Variants in RNF17 observed in about 807,000 individuals in gnomAD.
RNF17 encodes the protein spermatogenesis associated 23.
In RNF17, 31 loss-of-function variants were observed where a neutral mutation model predicts 200.5. The observed-to-expected ratio is 0.15, with a 90% CI of 0.12 to 0.21. The LOEUF (loss-of-function observed/expected upper bound fraction) is 0.21, where lower values mean the gene tolerates loss of function less well. Ranked by LOEUF, RNF17 falls within the 10% of genes least tolerant of loss-of-function variation. The pLI is 1.00. For missense variants in RNF17, 1,628 were observed against 1,905.1 expected (o/e 0.85, Z 2.71); for synonymous variants, 606 against 637.8 (o/e 0.95, Z 0.75).
rs117676104 is a variant in RNF17 at position 24,786,527 on chromosome 13, A to G, written c.612-1461A>G. Among the ~76,000 whole-genome samples, 810 of 152,290 alleles carry G rather than the reference A, an allele frequency of 5.3e-3. 21 individuals are homozygous for G. In the East Asian group the frequency reaches 0.081, roughly 15 times the overall value. ...TCATTGTATGGCTTTGAGTTACTGCATAGCCTTCTTTCACATTAACGTGAA... is the reference window on the plus strand; with the variant it reads ...TCATTGTATGGCTTTGAGTTACTGCGTAGCCTTCTTTCACATTAACGTGAA... On this transcript the variant is annotated intron_variant, in intron 6 of 35. Transcript: ENST00000255324.
At chr13:24,811,519 T>C (rs1214190961) in intron 15 of RNF17, among the ~76,000 whole-genome samples, 2 of 152,010 alleles carry the variant, frequency 1.3e-5, no homozygotes, top group African/African-American at 4.8e-5. Flanking sequence ...TTCTCTGTAT[T>C]GGTTATTCTA....
At chr13:24,851,684 A>T (rs1891910999) in intron 24 of RNF17, 113 bp downstream of exon 24, 3 of 647,050 alleles carry the variant, frequency 4.6e-6, no homozygotes, top group African/African-American at 3.7e-5. Context: ...GCTCTTAAAG[A>T]TTTATAAGCT....
chr13:24,757,870 T>C, the RNF17 span, among the ~76,000 whole-genome samples: 3 of 152,196 alleles, frequency 2.0e-5, no homozygotes, highest in Non-Finnish European at 4.4e-5. Flanking sequence ...CCCACCCAAA[T>C]CTCATGTCAA....
At chr13:24,833,700 G>A (rs1288951495) in intron 18 of RNF17, among the ~76,000 whole-genome samples, 1 of 152,166 alleles carries the variant, frequency 6.6e-6, no homozygotes, top group Non-Finnish European at 1.5e-5. Flanking sequence ...TTTATTTAAA[G>A]AGTGCCAGAA....
In RNF17 at chr13:24,767,358, G is replaced by C; in HGVS notation, c.217G>C (p.Asp73His). The change falls in exon 2 of 36, where the codon GAT becomes CAT. Residue 73 changes from aspartate to histidine, a missense_variant. This residue lies in a region of RNF17 where 502 missense variants were observed against 501.7 expected (regional missense o/e 1.00). Coordinates refer to ENST00000255324, the MANE Select transcript of RNF17 (RefSeq NM_031277.3). Reference protein sequence around the residue: ...TEECTTIICPDCEVATAVNTR... With the variant: ...TEECTTIICPHCEVATAVNTR... Reference sequence around the variant, plus strand: ...AGAATGCACCACAATTATATGCCCTGATTGTGAGGTAAGTGTTATAATTTT... The same window carrying C: ...AGAATGCACCACAATTATATGCCCTCATTGTGAGGTAAGTGTTATAATTTT... 6.3e-7 allele frequency: 1 copy of C among 1,588,964 alleles called. No individual in the cohort carries two copies. Among genetic ancestry groups the C allele is most frequent in the Non-Finnish European group, 8.6e-7 (1 of 1,157,448 alleles).
chr13:24,830,807 G>T (rs4769383), intron 17 of RNF17, among the ~76,000 whole-genome samples: 95,426 of 152,002 alleles, frequency 0.63, 30,335 homozygotes, highest in African/African-American at 0.73. Flanking sequence ...ATCAGGTATA[G>T]TTGTGTCTTA....
At chr13:24,853,784 C>A in intron 24 of RNF17, 71 bp from the exon 25 acceptor site, 3 of 1,163,842 alleles carry the variant, frequency 2.6e-6, no homozygotes, top group Non-Finnish European at 3.5e-6. Context: ...CTGAATGATT[C>A]TTTTTATGTT....
At chr13:24,781,987 T>A in intron 6 of RNF17, 43 bp downstream of exon 6, 1 of 1,186,616 alleles carries the variant, frequency 8.4e-7, no homozygotes, top group Non-Finnish European at 1.3e-6. Flanking sequence ...CTGAAGTTTC[T>A]AACACTAACT....
intron 14 of RNF17, among the ~76,000 whole-genome samples, chr13:24,803,343 G>A (rs1361787093): frequency 6.6e-6 from 1 of 152,050 alleles, no homozygotes; most frequent in African/African-American, 2.4e-5. Context: ...CATCACCCAG[G>A]CTAGAGTGCA....
the RNF17 span, chr13:24,751,816 G>C: frequency 1.3e-5 from 2 of 151,938 alleles, no homozygotes; most frequent in African/African-American, 4.8e-5. Context: ...ATTTGTTGTT[G>C]AATGCTAGTC....
intron 4 of RNF17, among the ~76,000 whole-genome samples, chr13:24,779,090 G>A (rs1035524535): frequency 6.6e-6 from 1 of 151,972 alleles, no homozygotes; most frequent in Non-Finnish European, 1.5e-5. Context: ...CCAGTTACTC[G>A]CAAGGCTGAG....
chr13:24,773,080 A>G (rs939016378), intron 2 of RNF17, among the ~76,000 whole-genome samples: 4 of 152,218 alleles, frequency 2.6e-5, no homozygotes, highest in Non-Finnish European at 5.9e-5. Flanking sequence ...GGTTGTGGAG[A>G]AAAGAGAATG....
chr13:24,822,198 T>G (rs928089290), intron 15 of RNF17, among the ~76,000 whole-genome samples: 2 of 152,130 alleles, frequency 1.3e-5, no homozygotes, highest in African/African-American at 4.8e-5. Context: ...GGCACCATCC[T>G]GTGTGCTTCT....
intron 32 of RNF17, among the ~76,000 whole-genome samples, chr13:24,873,316 G>C (rs747808348): frequency 5.9e-5 from 9 of 152,216 alleles, no homozygotes; most frequent in South Asian, 2.1e-4. Context: ...GTGAACAAAG[G>C]CTTATAAAAT....
At chr13:24,754,650 G>A in the RNF17 span, among the ~76,000 whole-genome samples, 2 of 152,138 alleles carry the variant, frequency 1.3e-5, no homozygotes, top group Non-Finnish European at 2.9e-5. Context: ...CGCACTTTGG[G>A]AGGCTGAGGC....
the RNF17 span, among the ~76,000 whole-genome samples, chr13:24,749,365 T>C: frequency 1.4e-5 from 2 of 142,848 alleles, no homozygotes; most frequent in African/African-American, 2.6e-5. Flanking sequence ...AGTGCTGTGG[T>C]GCTATCTCAG....
chr13:24,871,885 C>A (rs1031291915), intron 32 of RNF17, among the ~76,000 whole-genome samples: 8 of 151,552 alleles, frequency 5.3e-5, no homozygotes, highest in African/African-American at 1.7e-4. Flanking sequence ...CCCGCCTTGG[C>A]CTCCTGAAGT....
chr13:24,811,488 T>TC, intron 15 of RNF17, among the ~76,000 whole-genome samples: 1 of 152,212 alleles, frequency 6.6e-6, no homozygotes, highest in Non-Finnish European at 1.5e-5. Flanking sequence ...GGTTTTCAGC[T>TC]CCATCAGCTC....
At chr13:24,847,352 T>A (rs899070503) in intron 22 of RNF17, among the ~76,000 whole-genome samples, 2 of 115,818 alleles carry the variant, frequency 1.7e-5, no homozygotes, top group African/African-American at 6.8e-5. Flanking sequence ...TTTATTTATT[T>A]TTTTTTTTTT....
Sources: gnomAD v4.1 joint callset for allele counts (sites outside exome capture counted in the v4.1 genomes callset) on GRCh38, gnomAD v4.1.1 for gene constraint, gnomAD v4.1.1 regional missense constraint, MANE v1.5 for transcripts, NCBI Gene and HGNC (gene_info 2026-07-23, HGNC 2026-07-21) for gene names.